Variants in MGAT4C observed in about 807,000 individuals in gnomAD.
MGAT4C encodes MGAT4 family member C.
In MGAT4C, 19 loss-of-function variants were observed where a neutral mutation model predicts 40.1. The observed-to-expected ratio is 0.47, with a 90% CI of 0.33 to 0.70. The LOEUF (loss-of-function observed/expected upper bound fraction) is 0.70, where lower values mean the gene tolerates loss of function less well. Ranked by LOEUF, MGAT4C falls within the 30% of genes least tolerant of loss-of-function variation. The pLI, the probability that MGAT4C is intolerant of heterozygous loss-of-function variation, is 0.02. For synonymous variants in MGAT4C, 181 were observed against 187.1 expected, an observed-to-expected ratio of 0.97 and a Z score of 0.27; for missense variants, 491 against 563.2, an observed-to-expected ratio of 0.87 and a Z score of 1.30.
At chr12:86,681,664 T>G (rs1449279270) in intron 2 of MGAT4C, among the ~76,000 whole-genome samples, 1 of 152,004 alleles carries the variant, frequency 6.6e-6, no homozygotes, top group East Asian at 1.9e-4. Flanking sequence ...TATCATGTAG[T>G]TTTCTATACA....
chr12:86,381,961 T>C (rs770626331), intron 3 of MGAT4C, among the ~76,000 whole-genome samples: 4 of 152,188 alleles, frequency 2.6e-5, no homozygotes, highest in Admixed American at 6.5e-5. Context: ...TTGTGAGGCC[T>C]CCCCAGCCAT....
chr12:86,143,680 G>A (rs907392728), intron 1 of MGAT4C, among the ~76,000 whole-genome samples: 20 of 152,066 alleles, frequency 1.3e-4, no homozygotes, highest in Admixed American at 4.6e-4. Context: ...GAGAAGAACC[G>A]AAAAACCAAT....
At chr12:86,118,183 T>C (rs1878744255) in intron 1 of MGAT4C, among the ~76,000 whole-genome samples, 1 of 150,758 alleles carries the variant, frequency 6.6e-6, no homozygotes, top group African/African-American at 2.4e-5. Context: ...AGCTGGACAC[T>C]GGGCAAAGGA....
chr12:86,444,601 T>C (rs1957300333), intron 2 of MGAT4C, among the ~76,000 whole-genome samples: 2 of 152,338 alleles, frequency 1.3e-5, no homozygotes, highest in Admixed American at 1.3e-4. Context: ...GTTGCAAATC[T>C]GACCTTACTC....
chr12:86,766,611 G>C (rs4842824), intron 1 of MGAT4C, among the ~76,000 whole-genome samples: 106,913 of 146,864 alleles, frequency 0.73, 40,722 homozygotes, highest in South Asian at 0.85. Flanking sequence ...TGACCACATA[G>C]TTGGAAGTAA....
Position 86,527,621 on chromosome 12 carries a change from C to A in MGAT4C, c.-228-92356G>T, listed in dbSNP as rs547931092. ...TTTAACAATATTAATTCTTCCAATC[C>A]ATAAGCATTGAATATCTTTCCATTT... On this transcript the variant is annotated intron_variant, in intron 2 of 7. Transcript: ENST00000548651. 6.2e-4 allele frequency among the ~76,000 whole-genome samples: 94 copies of A among 152,214 alleles called. 2 individuals carry two copies. In the South Asian group the frequency reaches 0.019, roughly 31 times the overall value.
chr12:86,029,295 G>T (rs1890524370), intron 2 of MGAT4C, among the ~76,000 whole-genome samples: 1 of 151,862 alleles, frequency 6.6e-6, no homozygotes, highest in Non-Finnish European at 1.5e-5. Context: ...AAACATCAGT[G>T]TGCAGCCAAT....
chr12:86,005,863 C>A (rs1334015629), intron 2 of MGAT4C, among the ~76,000 whole-genome samples: 7 of 152,020 alleles, frequency 4.6e-5, no homozygotes. Context: ...AAGAGAATAA[C>A]CTCATTTTGG....
chr12:86,602,514 G>A (rs1400975331), intron 2 of MGAT4C, among the ~76,000 whole-genome samples: 2 of 152,086 alleles, frequency 1.3e-5, no homozygotes, highest in Non-Finnish European at 2.9e-5. Context: ...AACCTGGCTT[G>A]GAGAAACCGA....
upstream of MGAT4C, among the ~76,000 whole-genome samples, chr12:86,261,328 T>C (rs1252625732): frequency 6.6e-6 from 1 of 152,104 alleles, no homozygotes; most frequent in East Asian, 1.9e-4. Context: ...ATTGCTATGA[T>C]GCAAACATGA....
chr12:86,634,618 T>C (rs545144589), intron 2 of MGAT4C, among the ~76,000 whole-genome samples: 76 of 152,162 alleles, frequency 5.0e-4, no homozygotes, highest in African/African-American at 1.6e-3. Context: ...CTGGTGTTCC[T>C]ATTTTCTTGC....
intron 1 of MGAT4C, among the ~76,000 whole-genome samples, chr12:86,777,956 A>G (rs1176790617): frequency 6.6e-6 from 1 of 152,156 alleles, no homozygotes; most frequent in Non-Finnish European, 1.5e-5. Flanking sequence ...TAATAAATAT[A>G]TTTTAAAATC....
intron 2 of MGAT4C, among the ~76,000 whole-genome samples, chr12:86,014,881 A>G (rs1488870807): frequency 6.6e-6 from 1 of 151,938 alleles, no homozygotes; most frequent in Non-Finnish European, 1.5e-5. Context: ...TGGAGGGCTC[A>G]AATGATCCTC....
intron 1 of MGAT4C, among the ~76,000 whole-genome samples, chr12:86,052,031 C>G (rs1892946863): frequency 6.6e-6 from 1 of 151,498 alleles, no homozygotes; most frequent in Admixed American, 6.6e-5. Flanking sequence ...TTATTATTTT[C>G]AAGAAATTTC....
intron 2 of MGAT4C, among the ~76,000 whole-genome samples, chr12:86,663,407 G>C (rs948134349): frequency 1.5e-4 from 21 of 136,906 alleles, no homozygotes; most frequent in Non-Finnish European, 1.9e-4. Context: ...AAAAGAAAAA[G>C]TAAAAGAAAG....
chr12:86,487,387 C>G (rs1958038220), intron 2 of MGAT4C, among the ~76,000 whole-genome samples: 1 of 152,202 alleles, frequency 6.6e-6, no homozygotes, highest in Admixed American at 6.5e-5. Flanking sequence ...CTTTGCAGAT[C>G]AGACTTAATT....
chr12:86,814,209 T>C (rs549401931), intron 1 of MGAT4C, among the ~76,000 whole-genome samples: 16 of 151,212 alleles, frequency 1.1e-4, no homozygotes, highest in African/African-American at 3.9e-4. Flanking sequence ...ATTTATTTTT[T>C]AAGCTTTTAT....
chr12:86,358,201 A>C (rs1955362814), intron 3 of MGAT4C, among the ~76,000 whole-genome samples: 1 of 152,208 alleles, frequency 6.6e-6, no homozygotes, highest in Admixed American at 6.5e-5. Flanking sequence ...AAGAATTTTC[A>C]ACCCAGAATT....
At chr12:86,717,078 A>G (rs1950654955) in intron 2 of MGAT4C, among the ~76,000 whole-genome samples, 1 of 152,096 alleles carries the variant, frequency 6.6e-6, no homozygotes. Context: ...GGAAAAAATA[A>G]TCAAATGTTG....
Sources: gnomAD v4.1 joint callset for allele counts (sites outside exome capture counted in the v4.1 genomes callset) on GRCh38, gnomAD v4.1.1 for gene constraint, MANE v1.5 for transcripts, NCBI Gene and HGNC (gene_info 2026-07-23, HGNC 2026-07-21) for gene names.